The following TXNDC8 variants were observed in gnomAD, a reference collection of about 807,000 sequenced individuals.
The protein encoded by TXNDC8 is thioredoxin domain containing 8.
TXNDC8 carries 15 observed loss-of-function variants against 12.9 expected under a neutral mutation model. The ratio of observed to expected loss-of-function variants is 1.16; its 90% CI spans 0.78 to 1.79. The LOEUF is 1.79. Ranked by LOEUF, TXNDC8 falls within the 40% of genes most tolerant of loss-of-function variation. The pLI is 0.00. For synonymous variants in TXNDC8, 40 were observed against 35.4 expected (o/e 1.13, Z -0.46); for missense variants, 128 against 113.2 (o/e 1.13, Z -0.59).
At chr9:110,311,773 A>G (rs1838696507) in intron 3 of TXNDC8, among the ~76,000 whole-genome samples, 3 of 144,380 alleles carry the variant, frequency 2.1e-5, no homozygotes, top group Non-Finnish European at 4.5e-5. Flanking sequence ...TACTATATAT[A>G]TACTATATAT....
intron 1 of TXNDC8, among the ~76,000 whole-genome samples, chr9:110,336,042 T>A (rs770195368): frequency 5.3e-5 from 8 of 152,192 alleles, no homozygotes; most frequent in Non-Finnish European, 1.0e-4. Context: ...CTGACGGTTT[T>A]ATAAAGGGCA....
At chr9:110,335,102 T>C (rs530362882) in intron 1 of TXNDC8, among the ~76,000 whole-genome samples, 87 of 152,350 alleles carry the variant, frequency 5.7e-4, no homozygotes, top group African/African-American at 2.1e-3. Context: ...TCATGCATGA[T>C]TGATCTCCCC....
chr9:110,310,037 C>G (rs566675589), intron 3 of TXNDC8, among the ~76,000 whole-genome samples: 31 of 152,128 alleles, frequency 2.0e-4, no homozygotes, highest in Non-Finnish European at 4.1e-4. Flanking sequence ...AGGAGACTGA[C>G]TCCCCTTTCA....
intron 3 of TXNDC8, among the ~76,000 whole-genome samples, chr9:110,312,316 A>G (rs1161786248): frequency 1.3e-5 from 2 of 152,250 alleles, no homozygotes; most frequent in Non-Finnish European, 2.9e-5. Flanking sequence ...TTTCATTTGT[A>G]ACAGGACACA....
At chr9:110,336,616 G>C (rs751489220) in intron 1 of TXNDC8, among the ~76,000 whole-genome samples, 1 of 152,082 alleles carries the variant, frequency 6.6e-6, no homozygotes, top group Non-Finnish European at 1.5e-5. Context: ...CAAACTGCTA[G>C]GATACCACTG....
At chr9:110,327,932 T>C (rs1294621421) in intron 2 of TXNDC8, among the ~76,000 whole-genome samples, 1 of 152,220 alleles carries the variant, frequency 6.6e-6, no homozygotes, top group Non-Finnish European at 1.5e-5. Flanking sequence ...ATACTAGCTG[T>C]GTATTCTGAA....
At chr9:110,320,018 G>A (rs2118797608) in intron 3 of TXNDC8, among the ~76,000 whole-genome samples, 1 of 152,272 alleles carries the variant, frequency 6.6e-6, no homozygotes, top group Middle Eastern at 3.4e-3. Flanking sequence ...TAGCATCTAT[G>A]TACTCATATC....
chr9:110,332,835 A>G (rs1378024766), intron 2 of TXNDC8, among the ~76,000 whole-genome samples: 2 of 152,242 alleles, frequency 1.3e-5, no homozygotes, highest in Non-Finnish European at 2.9e-5. Context: ...AAAGATTTGA[A>G]TATAAATATA....
At position 110,303,642 on chromosome 9, in the gene TXNDC8, A is replaced by T. The variant is rs984757755; in HGVS notation, c.*40T>A. 1.5e-5 allele frequency: 24 copies of T among 1,593,290 alleles called. No homozygotes were observed. Among genetic ancestry groups the T allele is most frequent in the Non-Finnish European group, 2.1e-5 (24 of 1,167,466 alleles). The stretch of plus-strand genomic sequence containing the variant: ...TGATTCAAGTGCTGCGAAAATGTTG[A>T]GGCTTTAAGGAATTTTATTCCTGAT... On this transcript the variant is annotated 3_prime_UTR_variant, in exon 5 of 5. Transcript: ENST00000423740.
At chr9:110,328,544 C>T (rs564810371) in intron 2 of TXNDC8, among the ~76,000 whole-genome samples, 13 of 152,354 alleles carry the variant, frequency 8.5e-5, no homozygotes, top group Non-Finnish European at 1.3e-4. Flanking sequence ...CAGTGGCTCA[C>T]GCCTGTAATC....
chr9:110,335,184 A>AT (rs1367396042), intron 1 of TXNDC8, among the ~76,000 whole-genome samples: 1 of 152,214 alleles, frequency 6.6e-6, no homozygotes, highest in Non-Finnish European at 1.5e-5. Context: ...ATAAGTGCTC[A>AT]TAGTGTACTC....
At chr9:110,305,588 T>TTCTC (rs1159817918) in intron 3 of TXNDC8, among the ~76,000 whole-genome samples, 1 of 139,338 alleles carries the variant, frequency 7.2e-6, no homozygotes, top group Non-Finnish European at 1.5e-5. Context: ...CTTTCTTTCT[T>TTCTC]TCTTTCTTTC....
intron 3 of TXNDC8, 105 bp downstream of exon 4, chr9:110,326,070 A>C: frequency 9.1e-7 from 1 of 1,101,794 alleles, no homozygotes; most frequent in Non-Finnish European, 1.4e-6. Flanking sequence ...TAAGCATTAA[A>C]AATAAATGTA....
At chr9:110,336,945 T>A (rs1223696279) in intron 1 of TXNDC8, among the ~76,000 whole-genome samples, 2 of 152,194 alleles carry the variant, frequency 1.3e-5, no homozygotes, top group African/African-American at 4.8e-5. Context: ...CTCCAGGCTA[T>A]TCTGTGACAT....
chr9:110,311,305 G>C (rs555783687), intron 3 of TXNDC8, among the ~76,000 whole-genome samples: 1 of 151,692 alleles, frequency 6.6e-6, no homozygotes, highest in East Asian at 1.9e-4. Flanking sequence ...AGAATCTAAA[G>C]TTATATTAAA....
At chr9:110,337,673 A>G (rs914014525) in intron 1 of TXNDC8, 100 bp downstream of exon 1, 1 of 1,127,036 alleles carries the variant, frequency 8.9e-7, no homozygotes, top group Non-Finnish European at 1.3e-6. Flanking sequence ...CAATGCAATG[A>G]TAGAATACTG....
chr9:110,301,247 A>G (rs1838266953), downstream of TXNDC8, among the ~76,000 whole-genome samples: 1 of 152,168 alleles, frequency 6.6e-6, no homozygotes, highest in African/African-American at 2.4e-5. Context: ...ACCAGGCAGT[A>G]TTTTTCTCCC....
chr9:110,314,430 TC>T (rs1564097883), intron 3 of TXNDC8, among the ~76,000 whole-genome samples: 1,454 of 131,298 alleles, frequency 0.011, 29 homozygotes, highest in African/African-American at 0.037. Context: ...TTTTTCTTTT[TC>T]TTTTTTCTTT....
intron 3 of TXNDC8, among the ~76,000 whole-genome samples, chr9:110,324,667 T>C (rs1228176775): frequency 1.3e-5 from 2 of 152,236 alleles, no homozygotes; most frequent in Admixed American, 6.5e-5. Context: ...TGAAACTGTT[T>C]TTTTTTCCTT....
Sources: allele counts gnomAD v4.1 joint callset (sites outside exome capture counted in the v4.1 genomes callset), GRCh38; gene constraint gnomAD v4.1.1; transcripts MANE v1.5; gene names NCBI Gene and HGNC (gene_info 2026-07-23, HGNC 2026-07-21).